Variants in TRHDE observed in about 807,000 individuals in gnomAD.
The protein encoded by TRHDE is thyrotropin-releasing hormone-degrading ectoenzyme.
In TRHDE, 72 loss-of-function variants were observed where a neutral mutation model predicts 125.7. The ratio of observed to expected loss-of-function variants is 0.57; its 90% CI spans 0.47 to 0.70. The LOEUF is 0.70. Among genes scored for constraint, TRHDE ranks in the 30% least tolerant of loss-of-function variants. The pLI is 0.00. For synonymous variants in TRHDE, 509 were observed against 509.1 expected (o/e 1.00, Z 0.00); for missense variants, 1,110 against 1,327.1 (o/e 0.84, Z 2.54).
chr12:72,509,521 G>A (rs954147), intron 6 of TRHDE, among the ~76,000 whole-genome samples: 49,096 of 151,900 alleles, frequency 0.32, 9,817 homozygotes, highest in African/African-American at 0.54. Context: ...GGCCTTTCTC[G>A]TTGTAGGAAA....
At chr12:72,536,235 A>G (rs1380957492) in intron 6 of TRHDE, among the ~76,000 whole-genome samples, 2 of 152,132 alleles carry the variant, frequency 1.3e-5, no homozygotes, top group East Asian at 3.8e-4. Context: ...TTAGGGACCT[A>G]TCATTAATTT....
At chr12:72,626,443 A>C (rs1311378365) in intron 15 of TRHDE, among the ~76,000 whole-genome samples, 1 of 151,926 alleles carries the variant, frequency 6.6e-6, no homozygotes, top group Non-Finnish European at 1.5e-5. Flanking sequence ...AGATAGTAAC[A>C]CTTATTGAAT....
chr12:72,485,238 C>T lies in TRHDE; in HGVS notation c.1584+12058C>T, dbSNP rs191806270. Among the ~76,000 whole-genome samples, 175 of 152,274 alleles carry T rather than the reference C, an allele frequency of 1.1e-3. 2 individuals carry two copies. The highest frequency in any genetic ancestry group is 4.1e-3 in the African/African-American group (170 of 41,556). ...TGGCTCAAGTTGCTACTGTGCTGTG[C>T]CACCTTGAATCAGAGCCACTATTAG... On this transcript the variant is annotated intron_variant, in intron 5 of 18. Coordinates refer to ENST00000261180, the MANE Select transcript of TRHDE (RefSeq NM_013381.3).
chr12:72,398,548 A>G (rs1051449630), intron 3 of TRHDE, among the ~76,000 whole-genome samples: 1 of 152,370 alleles, frequency 6.6e-6, no homozygotes, highest in East Asian at 1.9e-4. Context: ...TTCCAACAGT[A>G]CTTGACATAT....
intron 5 of TRHDE, among the ~76,000 whole-genome samples, chr12:72,498,166 G>T (rs1443984873): frequency 6.6e-6 from 1 of 151,996 alleles, no homozygotes; most frequent in African/African-American, 2.4e-5. Context: ...TAATCTATTA[G>T]AAAACAAACC....
chr12:72,148,114 A>G (rs1324087274), intron 2 of TRHDE, among the ~76,000 whole-genome samples: 1 of 152,226 alleles, frequency 6.6e-6, no homozygotes, highest in Non-Finnish European at 1.5e-5. Flanking sequence ...TGTGACAAAA[A>G]GATCTCAGAG....
intron 3 of TRHDE, among the ~76,000 whole-genome samples, chr12:72,392,009 C>T (rs1274735672): frequency 2.6e-5 from 4 of 152,050 alleles, no homozygotes; most frequent in Admixed American, 6.6e-5. Flanking sequence ...AGAACTATTG[C>T]GTTTCTAAGA....
At chr12:72,484,322 A>G (rs1299235508) in intron 5 of TRHDE, among the ~76,000 whole-genome samples, 2 of 152,130 alleles carry the variant, frequency 1.3e-5, no homozygotes. Flanking sequence ...TATTCTTACC[A>G]CCAAAGTAGG....
Position 72,100,476 on chromosome 12 carries a change from A to G in TRHDE, n.175-5172A>G, listed in dbSNP as rs1214249429. ...TTTAAGCTTTTGTTACCATTAATAA[A>G]TGTTTACTAGAAGGTCAGCAAAGTG... On this transcript the variant is annotated intron_variant and non_coding_transcript_variant, in intron 1 of 4. Coordinates refer to the TRHDE transcript ENST00000548156. Among the ~76,000 whole-genome samples the G allele has an allele frequency of 2.6e-5, 4 of 152,330 alleles. No individual in the cohort carries two copies. In the East Asian group the frequency reaches 7.7e-4, roughly 29 times the overall value.
At chr12:72,546,787 T>C (rs1662960788) in intron 7 of TRHDE, among the ~76,000 whole-genome samples, 1 of 151,488 alleles carries the variant, frequency 6.6e-6, no homozygotes, top group Admixed American at 6.6e-5. Flanking sequence ...GGCATTTGGG[T>C]TTCATAGGGA....
chr12:72,448,945 GC>G (rs1400973273), intron 3 of TRHDE, among the ~76,000 whole-genome samples: 1 of 151,776 alleles, frequency 6.6e-6, no homozygotes, highest in Non-Finnish European at 1.5e-5. Context: ...GGCTTGTAAT[GC>G]CACTTTACCA....
chr12:72,397,046 T>C (rs1872822434), intron 3 of TRHDE, among the ~76,000 whole-genome samples: 1 of 152,204 alleles, frequency 6.6e-6, no homozygotes, highest in Non-Finnish European at 1.5e-5. Context: ...ATTTGAAATT[T>C]CCAATGTGAA....
intron 2 of TRHDE, among the ~76,000 whole-genome samples, chr12:72,294,538 G>A (rs1056290659): frequency 8.5e-5 from 13 of 152,112 alleles, no homozygotes; most frequent in African/African-American, 2.4e-4. Context: ...GCATCCAGTC[G>A]TCTGGATGTC....
At chr12:72,150,550 C>T (rs1485283480) in intron 2 of TRHDE, among the ~76,000 whole-genome samples, 2 of 106,988 alleles carry the variant, frequency 1.9e-5, no homozygotes, top group East Asian at 6.7e-4. Context: ...CCTCCCCCCA[C>T]CCCCCACCCG....
intron 6 of TRHDE, among the ~76,000 whole-genome samples, chr12:72,515,946 A>G (rs1229303926): frequency 7.6e-6 from 1 of 130,896 alleles, no homozygotes; most frequent in African/African-American, 3.6e-5. Context: ...AAGATCAGAT[A>G]GTTGTAGATA....
chr12:72,316,929 ATAGAG>A (rs1868831068), intron 2 of TRHDE, among the ~76,000 whole-genome samples: 3 of 152,314 alleles, frequency 2.0e-5, no homozygotes, highest in Admixed American at 6.5e-5. Context: ...AGAAAGTAGA[ATAGAG>A]TAATTTTTAA....
chr12:72,308,211 C>G (rs1429398199), intron 2 of TRHDE, among the ~76,000 whole-genome samples: 1 of 151,978 alleles, frequency 6.6e-6, no homozygotes, highest in African/African-American at 2.4e-5. Flanking sequence ...ATTTCTCCTC[C>G]AGTCCCGTAG....
intron 5 of TRHDE, among the ~76,000 whole-genome samples, chr12:72,488,279 C>T (rs1218356020): frequency 2.0e-5 from 3 of 151,974 alleles, no homozygotes; most frequent in Admixed American, 2.0e-4. Flanking sequence ...CTCACTTAAG[C>T]TTTAAGGAGA....
At chr12:72,297,064 G>T (rs959758405) in intron 2 of TRHDE, among the ~76,000 whole-genome samples, 1 of 152,270 alleles carries the variant, frequency 6.6e-6, no homozygotes, top group African/African-American at 2.4e-5. Flanking sequence ...GTGCCTTTCT[G>T]CAAGTTTTAA....
Sources: gnomAD v4.1 joint callset for allele counts (sites outside exome capture counted in the v4.1 genomes callset) on GRCh38, gnomAD v4.1.1 for gene constraint, MANE v1.5 for transcripts, NCBI Gene and HGNC (gene_info 2026-07-23, HGNC 2026-07-21) for gene names.